MGST1: variants seen among roughly 807,000 people sequenced by gnomAD.
MGST1 encodes the protein glutathione S-transferase 12.
A neutral mutation model predicts 8.9 loss-of-function variants in MGST1; 5 were observed. The ratio of observed to expected loss-of-function variants is 0.56; its 90% confidence interval spans 0.29 to 1.19. The LOEUF is 1.19. Among genes scored for constraint, MGST1 ranks in the 50% most tolerant of loss-of-function variants. The probability of loss-of-function intolerance (pLI) is 0.08; values close to 1 mark genes in which losing one functional copy is unlikely to be tolerated. For missense variants in MGST1, 182 were observed against 187.4 expected, an observed-to-expected ratio of 0.97 and a Z score of 0.17; for synonymous variants, 54 against 67.8, an observed-to-expected ratio of 0.80 and a Z score of 1.00.
downstream of MGST1, among the ~76,000 whole-genome samples, chr12:16,368,909 A>C (rs1487974234): frequency 6.6e-6 from 1 of 152,194 alleles, no homozygotes; most frequent in Non-Finnish European, 1.5e-5. Flanking sequence ...CCACGAAGAG[A>C]TCTGTATTAG....
At chr12:16,347,281 A>G (rs1939245525), upstream of MGST1, 2 of 152,200 alleles carry the variant, frequency 1.3e-5, no homozygotes, top group African/African-American at 2.4e-5. This position sits in a 1 kb window ranked among gnomAD's most constrained non-coding sequence, Gnocchi z 4.0. Context: ...AGGGAAGGTA[A>G]TATTGTCAAT....
At chr12:16,446,146 C>T (rs986354209) in intron 4 of MGST1, among the ~76,000 whole-genome samples, 1 of 151,942 alleles carries the variant, frequency 6.6e-6, no homozygotes, top group Non-Finnish European at 1.5e-5. Context: ...CTAACTTTGA[C>T]ATTTTGGGTC....
In MGST1 at chr12:16,497,086, A is replaced by G. The variant is rs934426513; in HGVS notation, n.483-92442A>G. Reference sequence around the variant, plus strand: ...ATAAGCTTTGTCTTCTTAGAAGAGAAAGAAATATTTAATCCTATGCCAGAA... The same window carrying G: ...ATAAGCTTTGTCTTCTTAGAAGAGAGAGAAATATTTAATCCTATGCCAGAA... On this transcript the variant is annotated intron_variant and non_coding_transcript_variant, in intron 4 of 4. Transcript: ENST00000538857. This position sits in a 1 kb window ranked among gnomAD's most constrained non-coding sequence, Gnocchi z 4.4. Among the ~76,000 whole-genome samples the G allele has an allele frequency of 6.6e-6, 1 of 152,172 alleles. No individual in the cohort carries two copies.
At chr12:16,357,044 T>A (rs1203562031) in intron 2 of MGST1, among the ~76,000 whole-genome samples, 1 of 152,228 alleles carries the variant, frequency 6.6e-6, no homozygotes, top group Non-Finnish European at 1.5e-5. Flanking sequence ...TCCTTTTCAC[T>A]ATTTTTATTC....
intron 4 of MGST1, among the ~76,000 whole-genome samples, chr12:16,502,290 C>A (rs1010828046): frequency 6.6e-6 from 1 of 152,142 alleles, no homozygotes; most frequent in African/African-American, 2.4e-5. Flanking sequence ...TTTAGGCTGA[C>A]CTGGATCCAA....
chr12:16,489,032 C>G (rs1941419241), intron 4 of MGST1, among the ~76,000 whole-genome samples: 3 of 152,070 alleles, frequency 2.0e-5, no homozygotes, highest in Admixed American at 2.0e-4. Flanking sequence ...ATCCTGTGAA[C>G]CCAGGAGTCT....
chr12:16,493,837 C>T lies in MGST1; in HGVS notation n.483-95691C>T, dbSNP rs543885073. 2.6e-5 allele frequency among the ~76,000 whole-genome samples: 4 copies of T among 151,262 alleles called. No individual in the cohort carries two copies. In the East Asian group the frequency reaches 7.7e-4, roughly 29 times the overall value. ...AAATTGTGGAGATATGGATAGGACTCTTCTCTGAAACTTTATGTCAGCTTG... is the reference window on the plus strand; with the variant it reads ...AAATTGTGGAGATATGGATAGGACTTTTCTCTGAAACTTTATGTCAGCTTG... On this transcript the variant is annotated intron_variant and non_coding_transcript_variant, in intron 4 of 4. Transcript: ENST00000538857.
At chr12:16,483,436 C>G (rs568472529) in intron 4 of MGST1, among the ~76,000 whole-genome samples, 1 of 152,154 alleles carries the variant, frequency 6.6e-6, no homozygotes, top group East Asian at 1.9e-4. Flanking sequence ...GAATCAAACC[C>G]TCGTTTAATC....
In MGST1 at chr12:16,482,710, G is replaced by A. The variant is rs559747418; in HGVS notation, n.482+99106G>A. ...GCAACAACAAGTTGATTGTTCTAGA[G>A]ACAGGTATGTTCTGGAGAAGGGAAA... On this transcript the variant is annotated intron_variant and non_coding_transcript_variant, in intron 4 of 4. Transcript: ENST00000538857. This position sits in a 1 kb window ranked among gnomAD's most constrained non-coding sequence, Gnocchi z 4.2. Among the ~76,000 whole-genome samples the A allele has an allele frequency of 1.9e-3, 292 of 152,128 alleles. No homozygotes were observed. The highest frequency in any genetic ancestry group is 3.5e-3 in the Middle Eastern group (1 of 288).
downstream of MGST1, among the ~76,000 whole-genome samples, chr12:16,378,807 T>C (rs1162902153): frequency 6.6e-6 from 1 of 151,964 alleles, no homozygotes; most frequent in African/African-American, 2.4e-5. Context: ...TTTGTTTGTC[T>C]CCTCTTTTAT....
Position 16,401,961 on chromosome 12 carries a change from A to T in MGST1, n.778+18357A>T. The T allele has an allele frequency of 1.2e-6, 2 of 1,612,166 alleles. No homozygotes were observed. The highest frequency in any genetic ancestry group is 1.1e-5 in the South Asian group (1 of 91,040). On this transcript the variant is annotated intron_variant and non_coding_transcript_variant, in intron 1 of 1. Transcript: ENST00000359720. This position sits in a 1 kb window ranked among gnomAD's most constrained non-coding sequence, Gnocchi z 4.3. ...TATTTTGTCAAAGCCTTCTTTGTTG[A>T]GGCAGTCATTCCAGCTCTTCATGAA...
At chr12:16,397,005 T>C (rs1236628347) in intron 1 of MGST1, among the ~76,000 whole-genome samples, 4 of 152,124 alleles carry the variant, frequency 2.6e-5, no homozygotes, top group African/African-American at 9.7e-5. Flanking sequence ...TCTAGAGGCA[T>C]CACATTACCT....
chr12:16,539,369 A>G (rs1385111425), intron 4 of MGST1, among the ~76,000 whole-genome samples: 1 of 152,196 alleles, frequency 6.6e-6, no homozygotes, highest in Non-Finnish European at 1.5e-5. Context: ...ACCCAGGTAC[A>G]CAAATACTTA....
chr12:16,529,480 G>A (rs1046827522), intron 4 of MGST1, among the ~76,000 whole-genome samples: 3 of 151,986 alleles, frequency 2.0e-5, no homozygotes, highest in African/African-American at 4.8e-5. Context: ...GGAGTACCTG[G>A]CACACAAGTC....
rs1462578912 is a variant in MGST1, at chr12:16,560,144, A to C, written n.483-29384A>C. Among the ~76,000 whole-genome samples, 1 of 152,206 alleles carries C rather than the reference A, an allele frequency of 6.6e-6. No homozygotes were observed. The highest frequency in any genetic ancestry group is 1.5e-5 in the Non-Finnish European group (1 of 68,032). On this transcript the variant is annotated intron_variant and non_coding_transcript_variant, in intron 4 of 4. Coordinates refer to the MGST1 transcript ENST00000538857. The surrounding 1 kb of genome is among the most constrained non-coding windows in gnomAD (Gnocchi z 5.0). ...AAAAAGACAGGAAAATAATAAAAGA[A>C]GGAATGAGTAAAAGAAGTCAGAGTT...
At position 16,361,982 on chromosome 12, in the gene MGST1, A is replaced by G. The variant is rs563025730; in HGVS notation, c.222-1813A>G. Among the ~76,000 whole-genome samples, 1 of 152,056 alleles carries G rather than the reference A, an allele frequency of 6.6e-6. No individual in the cohort carries two copies. The highest frequency in any genetic ancestry group is 1.5e-5 in the Non-Finnish European group (1 of 68,022). On this transcript the variant is annotated intron_variant, in intron 3 of 3. Transcript: ENST00000396210. The surrounding 1 kb of genome is among the most constrained non-coding windows in gnomAD (Gnocchi z 4.2). ...CTTTAACATTCCATTCTATTTGTCAACTGCGTAACACAGGCGTAGAAGTGG... is the reference window on the plus strand; with the variant it reads ...CTTTAACATTCCATTCTATTTGTCAGCTGCGTAACACAGGCGTAGAAGTGG...
At chr12:16,430,695 C>T (rs1244401345) in intron 1 of MGST1, among the ~76,000 whole-genome samples, 2 of 152,076 alleles carry the variant, frequency 1.3e-5, no homozygotes, top group Admixed American at 6.6e-5. Flanking sequence ...TGCTACCATT[C>T]AGCCTTCATT....
At position 16,413,500 on chromosome 12, in the gene MGST1, A is replaced by G. The variant is rs575279805; in HGVS notation, n.779-23888A>G. Among the ~76,000 whole-genome samples, 2 of 152,192 alleles carry G rather than the reference A, an allele frequency of 1.3e-5. No individual in the cohort carries two copies. Among genetic ancestry groups the G allele is most frequent in the East Asian group, 3.9e-4 (2 of 5,180 alleles). ...GCAGGTAAGTGGTGGTATGGAGTTG[A>G]AAGAGAATTCTCCCAGCATCCGTAT... is the stretch of plus-strand genomic sequence containing the variant. On this transcript the variant is annotated intron_variant and non_coding_transcript_variant, in intron 1 of 1. Transcript: ENST00000359720. This position sits in a 1 kb window ranked among gnomAD's most constrained non-coding sequence, Gnocchi z 4.0.
At position 16,419,935 on chromosome 12, in the gene MGST1, G is replaced by A. The variant is rs186108570; in HGVS notation, n.779-17453G>A. ...TGAACAGACTACTTGAATCTGTGAT[G>A]GAGACATATTGGCAGCCGATGAAGG... On this transcript the variant is annotated intron_variant and non_coding_transcript_variant, in intron 1 of 1. Coordinates refer to the MGST1 transcript ENST00000359720. 2.0e-4 allele frequency among the ~76,000 whole-genome samples: 30 copies of A among 152,232 alleles called. 1 individual carries two copies. The East Asian group carries it at 4.8e-3, about 25-fold the overall frequency.
Sources: gnomAD v4.1 joint callset for allele counts (sites outside exome capture counted in the v4.1 genomes callset) on GRCh38, gnomAD v4.1.1 for gene constraint, Gnocchi (gnomAD v3.1) non-coding constraint, MANE v1.5 for transcripts, NCBI Gene and HGNC (gene_info 2026-07-23, HGNC 2026-07-21) for gene names.